Variants in NDST4 observed in about 807,000 individuals in gnomAD.
NDST4 encodes the protein N-deacetylase and N-sulfotransferase 4.
In NDST4, 63 loss-of-function variants were observed where a neutral mutation model predicts 100.8. The observed-to-expected ratio is 0.62, with a 90% CI of 0.51 to 0.77. The LOEUF is 0.77. NDST4 is among the 30% of genes least tolerant of loss of function. NDST4 has a pLI of 0.00. For missense variants in NDST4, 943 were observed against 1,018.4 expected (o/e 0.93, Z 1.01); for synonymous variants, 377 against 361.8 (o/e 1.04, Z -0.48).
intron 4 of NDST4, 63 bp downstream of exon 4, chr4:114,970,367 T>G: frequency 1.4e-6 from 2 of 1,445,682 alleles, no homozygotes; most frequent in South Asian, 2.5e-5. Flanking sequence ...TACATTAATT[T>G]TACACTTCCA....
At chr4:114,978,898 A>T (rs926405631) in intron 2 of NDST4, among the ~76,000 whole-genome samples, 3 of 152,084 alleles carry the variant, frequency 2.0e-5, no homozygotes, top group Non-Finnish European at 4.4e-5. Flanking sequence ...AATTTATTTT[A>T]TACTCTTATT....
intron 2 of NDST4, among the ~76,000 whole-genome samples, chr4:115,021,763 C>T (rs1330749021): frequency 2.7e-5 from 4 of 150,312 alleles, no homozygotes; most frequent in Non-Finnish European, 5.9e-5. Context: ...ATACCTCCCA[C>T]ATCTATACAC....
intron 2 of NDST4, among the ~76,000 whole-genome samples, chr4:114,986,422 T>C (rs930925733): frequency 7.9e-5 from 12 of 152,088 alleles, no homozygotes; most frequent in Admixed American, 3.3e-4. Flanking sequence ...AAGCCACTGA[T>C]TTTAGTCCAC....
At chr4:114,965,663 A>G (rs75895320) in intron 4 of NDST4, among the ~76,000 whole-genome samples, 2,282 of 152,124 alleles carry the variant, frequency 0.015, 68 homozygotes, top group African/African-American at 0.052. Context: ...CCCCTTCAGG[A>G]TATTTCATGT....
At chr4:115,112,143 G>A (rs1407999153) in intron 1 of NDST4, among the ~76,000 whole-genome samples, 1 of 150,602 alleles carries the variant, frequency 6.6e-6, no homozygotes, top group African/African-American at 2.4e-5. Flanking sequence ...ATGTGACACT[G>A]GGATATAGCT....
rs377091384 is a variant in NDST4 at position 115,036,492 on chromosome 4, A to T, written c.978+39567T>A. 9.2e-5 allele frequency among the ~76,000 whole-genome samples: 14 copies of T among 151,892 alleles called. No homozygotes were observed. In the East Asian group the frequency reaches 2.3e-3, roughly 25 times the overall value. On this transcript the variant is annotated intron_variant, in intron 2 of 13. Coordinates refer to ENST00000264363, the MANE Select transcript of NDST4 (RefSeq NM_022569.3). ...AACTAATAATAGTATCTATGAAGTGATTCAAAATAAATAATTTCATCTAGT... is the reference window on the plus strand; with the variant it reads ...AACTAATAATAGTATCTATGAAGTGTTTCAAAATAAATAATTTCATCTAGT...
chr4:115,016,016 C>T (rs537302450), intron 2 of NDST4, among the ~76,000 whole-genome samples: 3 of 152,092 alleles, frequency 2.0e-5, no homozygotes, highest in South Asian at 4.1e-4. Context: ...TTTGCCTTCC[C>T]TCCGTGCAAT....
intron 12 of NDST4, among the ~76,000 whole-genome samples, chr4:114,831,121 C>T (rs1005156535): frequency 1.1e-4 from 17 of 148,290 alleles, no homozygotes; most frequent in Admixed American, 9.4e-4. Context: ...GGCGCAATCT[C>T]GGCTCACTGC....
chr4:114,892,744 G>A (rs573048619), intron 6 of NDST4, among the ~76,000 whole-genome samples: 1 of 151,728 alleles, frequency 6.6e-6, no homozygotes, highest in East Asian at 1.9e-4. Context: ...TTTTTGTGGG[G>A]GTGGGAGTTG....
intron 9 of NDST4, among the ~76,000 whole-genome samples, chr4:114,846,699 G>A (rs376940026): frequency 1.3e-5 from 2 of 152,092 alleles, no homozygotes; most frequent in Non-Finnish European, 2.9e-5. Flanking sequence ...TTAATTATGT[G>A]TGTAACCCTC....
intron 4 of NDST4, among the ~76,000 whole-genome samples, chr4:114,959,368 A>T (rs1223170867): frequency 6.6e-6 from 1 of 151,478 alleles, no homozygotes; most frequent in East Asian, 1.9e-4. Flanking sequence ...CTATGAAAAA[A>T]ATCCAAGATG....
chr4:114,864,352 T>G (rs1445103074), intron 7 of NDST4, among the ~76,000 whole-genome samples: 4 of 152,252 alleles, frequency 2.6e-5, no homozygotes, highest in Non-Finnish European at 4.4e-5. Context: ...AAGAATGCTA[T>G]AAAAGGCATC....
At chr4:114,986,832 A>ATATATTTTTTTTTTTTTT in intron 2 of NDST4, among the ~76,000 whole-genome samples, 1 of 94,656 alleles carries the variant, frequency 1.1e-5, no homozygotes, top group South Asian at 4.3e-4. Flanking sequence ...ATATATATAT[A>ATATATTTTTTTTTTTTTT]TTTTAATATA....
intron 2 of NDST4, among the ~76,000 whole-genome samples, chr4:115,034,532 G>A (rs770603436): frequency 1.4e-4 from 21 of 151,992 alleles, no homozygotes; most frequent in Non-Finnish European, 2.8e-4. Context: ...CATTTGAAGT[G>A]CCTGTTATAA....
chr4:115,084,609 A>G (rs1260133624), intron 1 of NDST4, among the ~76,000 whole-genome samples: 1 of 152,180 alleles, frequency 6.6e-6, no homozygotes, highest in Non-Finnish European at 1.5e-5. Context: ...CCCGTGCCTC[A>G]GGCTACTCCA....
chr4:114,913,380 G>A (rs1402940329), intron 6 of NDST4, among the ~76,000 whole-genome samples: 1 of 151,944 alleles, frequency 6.6e-6, no homozygotes, highest in African/African-American at 2.4e-5. Context: ...TTTGCCTATA[G>A]TGGTGCTTCT....
chr4:114,913,232 T>C (rs1725098682), intron 6 of NDST4, among the ~76,000 whole-genome samples: 1 of 152,062 alleles, frequency 6.6e-6, no homozygotes, highest in Non-Finnish European at 1.5e-5. Flanking sequence ...TAATTCCTCT[T>C]TATGCTTCTG....
At chr4:114,866,916 G>GT (rs1366578485) in intron 7 of NDST4, among the ~76,000 whole-genome samples, 1 of 152,142 alleles carries the variant, frequency 6.6e-6, no homozygotes, top group African/African-American at 2.4e-5. Flanking sequence ...TCCTTCTAAA[G>GT]TGAGGAGTTA....
chr4:114,978,198 CAA>C (rs1726680806), intron 2 of NDST4, among the ~76,000 whole-genome samples: 1 of 151,870 alleles, frequency 6.6e-6, no homozygotes, highest in Non-Finnish European at 1.5e-5. Context: ...TAATTTCAAA[CAA>C]GAGATATTAA....
Sources: gnomAD v4.1 joint callset for allele counts (sites outside exome capture counted in the v4.1 genomes callset) on GRCh38, gnomAD v4.1.1 for gene constraint, MANE v1.5 for transcripts, NCBI Gene and HGNC (gene_info 2026-07-23, HGNC 2026-07-21) for gene names.